DAB1: variants seen among roughly 807,000 people sequenced by gnomAD.
The protein encoded by DAB1 is disabled homolog 1.
DAB1 carries 15 observed loss-of-function variants against 64.6 expected under a neutral mutation model. The ratio of observed to expected loss-of-function variants is 0.23; its 90% CI spans 0.16 to 0.36. The LOEUF is 0.36. Among genes scored for constraint, DAB1 ranks in the 10% least tolerant of loss-of-function variants. The pLI is 1.00. For synonymous variants in DAB1, 235 were observed against 251.9 expected (o/e 0.93, Z 0.64); for missense variants, 596 against 706.7 (o/e 0.84, Z 1.78).
At chr1:57,321,758 T>C (rs146141886) in intron 1 of DAB1, among the ~76,000 whole-genome samples, 40 of 152,290 alleles carry the variant, frequency 2.6e-4, no homozygotes, top group African/African-American at 8.9e-4. Context: ...TGATAATGAA[T>C]ATTGACATGC....
intron 7 of DAB1, among the ~76,000 whole-genome samples, chr1:57,636,096 CAAA>C (rs61007751): frequency 1.5e-5 from 1 of 64,970 alleles, no homozygotes. Context: ...GACACGGTCT[CAAA>C]AAAAAAAAAA....
At chr1:57,174,063 C>T (rs949522544) in intron 2 of DAB1, among the ~76,000 whole-genome samples, 2 of 152,156 alleles carry the variant, frequency 1.3e-5, no homozygotes, top group Non-Finnish European at 2.9e-5. Flanking sequence ...ATTTGATAAA[C>T]TGATCTTAGC....
intron 5 of DAB1, among the ~76,000 whole-genome samples, chr1:57,984,190 AAGAAAGAAAGAAAG>A (rs1159463204): frequency 5.9e-5 from 3 of 50,862 alleles, no homozygotes; most frequent in African/African-American, 1.1e-4. Flanking sequence ...AAAAAAAAGA[AAGAAAGAAAGAAAG>A]AAAGAAAGAA....
rs1569971590 is a variant in DAB1, at chr1:57,228,409, A to C, written c.67+62555T>G. On this transcript the variant is annotated intron_variant, in intron 2 of 14. Coordinates refer to ENST00000371236, the MANE Select transcript of DAB1 (RefSeq NM_001365792.1). ...GTAAGAAAAAGAATGCAAATATAGGATGAAAGATATAAAGATAAAATTTAG... is the reference window on the plus strand; with the variant it reads ...GTAAGAAAAAGAATGCAAATATAGGCTGAAAGATATAAAGATAAAATTTAG... Among the ~76,000 whole-genome samples the C allele has an allele frequency of 2.0e-5, 3 of 152,216 alleles. No individual in the cohort carries two copies. In the South Asian group the frequency reaches 6.2e-4, roughly 31 times the overall value.
At chr1:58,531,258 A>G (rs780772602) in intron 1 of DAB1, among the ~76,000 whole-genome samples, 1 of 152,216 alleles carries the variant, frequency 6.6e-6, no homozygotes, top group African/African-American at 2.4e-5. Flanking sequence ...AAATTCAGAA[A>G]AAGACTGGAA....
At chr1:58,174,136 G>A (rs921507527) in intron 4 of DAB1, among the ~76,000 whole-genome samples, 2 of 152,156 alleles carry the variant, frequency 1.3e-5, no homozygotes, top group African/African-American at 4.8e-5. Context: ...ACCTTCTTAG[G>A]GGAAGAGTGT....
chr1:57,781,017 C>T (rs1177815838), intron 6 of DAB1, among the ~76,000 whole-genome samples: 2 of 150,814 alleles, frequency 1.3e-5, no homozygotes, highest in Admixed American at 6.6e-5. Flanking sequence ...CATAAGCCAC[C>T]GCCCCTGGCG....
intron 5 of DAB1, among the ~76,000 whole-genome samples, chr1:58,100,460 T>C (rs1359617096): frequency 1.3e-5 from 2 of 152,242 alleles, no homozygotes; most frequent in Admixed American, 6.5e-5. Flanking sequence ...TATTCATTCA[T>C]CTCATTGATG....
At chr1:57,464,811 G>A (rs1686902142) in intron 7 of DAB1, among the ~76,000 whole-genome samples, 1 of 151,984 alleles carries the variant, frequency 6.6e-6, no homozygotes, top group Non-Finnish European at 1.5e-5. Context: ...TGTACTGCAG[G>A]GAATTTCTCT....
At chr1:57,208,525 G>C (rs1384768988) in intron 2 of DAB1, among the ~76,000 whole-genome samples, 5 of 152,200 alleles carry the variant, frequency 3.3e-5, no homozygotes, top group African/African-American at 9.7e-5. Context: ...TTCTTCAGCA[G>C]CTGTCTCCTT....
chr1:57,856,184 G>A (rs549465761), intron 1 of DAB1, among the ~76,000 whole-genome samples: 17 of 152,224 alleles, frequency 1.1e-4, no homozygotes, highest in African/African-American at 3.9e-4. Context: ...GAAAAGAGAA[G>A]AAGCTGGGGG....
intron 5 of DAB1, among the ~76,000 whole-genome samples, chr1:58,116,767 A>G (rs1232453515): frequency 6.6e-6 from 1 of 152,226 alleles, no homozygotes. Flanking sequence ...ATTCTGAAAC[A>G]TCATGAAAAA....
At chr1:57,123,010 G>A (rs1304388992) in intron 4 of DAB1, among the ~76,000 whole-genome samples, 2 of 152,018 alleles carry the variant, frequency 1.3e-5, no homozygotes, top group East Asian at 3.9e-4. Flanking sequence ...ACTTGCCCAA[G>A]ATACTACAGC....
chr1:57,956,673 C>A (rs1436011108), intron 5 of DAB1, among the ~76,000 whole-genome samples: 1 of 152,196 alleles, frequency 6.6e-6, no homozygotes, highest in Non-Finnish European at 1.5e-5. Context: ...ATGAGGGAAG[C>A]TTCATTCCGA....
chr1:58,483,462 C>A (rs1317989556), intron 3 of DAB1, among the ~76,000 whole-genome samples: 1 of 152,126 alleles, frequency 6.6e-6, no homozygotes, highest in African/African-American at 2.4e-5. Flanking sequence ...TCTGATTAGG[C>A]TCTGAGTTAC....
At position 57,254,428 on chromosome 1, in the gene DAB1, A is replaced by C. The variant is rs957419294; in HGVS notation, c.67+36536T>G. 7.2e-5 allele frequency among the ~76,000 whole-genome samples: 11 copies of C among 152,380 alleles called. No individual in the cohort carries two copies. In the South Asian group the frequency reaches 1.9e-3, roughly 26 times the overall value. ...AATTACCAAAAGCAGCTATTTTTAA[A>C]TAATCCTTCACTGGTGTGAAATGCC... On this transcript the variant is annotated intron_variant, in intron 2 of 14. Transcript: ENST00000371236.
At chr1:58,434,056 G>A (rs550366634) in intron 3 of DAB1, among the ~76,000 whole-genome samples, 1 of 152,130 alleles carries the variant, frequency 6.6e-6, no homozygotes, top group African/African-American at 2.4e-5. Flanking sequence ...ACATCAAAAA[G>A]AGAAATATAA....
chr1:58,132,563 G>T (rs139270843), intron 5 of DAB1, among the ~76,000 whole-genome samples: 1 of 152,138 alleles, frequency 6.6e-6, no homozygotes, highest in Non-Finnish European at 1.5e-5. Flanking sequence ...CTGAGGATCC[G>T]CCTGCAGTCT....
At chr1:57,459,734 G>C (rs927403887) in intron 7 of DAB1, among the ~76,000 whole-genome samples, 1 of 152,160 alleles carries the variant, frequency 6.6e-6, no homozygotes, top group African/African-American at 2.4e-5. Flanking sequence ...ATTAAACTTA[G>C]ATCCCCTTGA....
Sources: allele counts gnomAD v4.1 joint callset (sites outside exome capture counted in the v4.1 genomes callset), GRCh38; gene constraint gnomAD v4.1.1; transcripts MANE v1.5; gene names NCBI Gene and HGNC (gene_info 2026-07-23, HGNC 2026-07-21).